Variants in NCOR1 observed in about 807,000 individuals in gnomAD.
The protein encoded by NCOR1 is protein phosphatase 1, regulatory subunit 109.
Under a neutral mutation model 288.1 loss-of-function variants are expected in NCOR1, and 63 were observed. The observed-to-expected ratio is 0.22, with a 90% CI of 0.18 to 0.27. The LOEUF (loss-of-function observed/expected upper bound fraction) is 0.27. NCOR1 is among the 10% of genes least tolerant of loss of function. The pLI, the probability that NCOR1 is intolerant of heterozygous loss-of-function variation, is 1.00. For missense variants in NCOR1, 2,397 were observed against 3,019.2 expected (o/e 0.79, Z 4.83); for synonymous variants, 1,007 against 1,065.9 (o/e 0.94, Z 1.08).
chr17:16,099,636 A>T (rs145985759), intron 20 of NCOR1, among the ~76,000 whole-genome samples: 1,684 of 152,344 alleles, frequency 0.011, 37 homozygotes, highest in African/African-American at 0.038. Flanking sequence ...CAAAACCAAC[A>T]GTGCAAAACA....
At chr17:16,067,856 T>G in intron 32 of NCOR1, 38 bp downstream of exon 32, 5 of 1,555,050 alleles carry the variant, frequency 3.2e-6, no homozygotes, top group Non-Finnish European at 4.4e-6. Flanking sequence ...TGGTGGCATA[T>G]TTATTTGCCA....
At position 16,032,264 on chromosome 17, in the gene NCOR1, T is replaced by C. The variant is rs370706061; in HGVS notation, c.*32A>G. ...AAACCACAAAAACTAGAGATCCCTC[T>C]CCTGCACCCTGTTCCCCTCACTTTG... is the stretch of plus-strand genomic sequence containing the variant. On this transcript the variant is annotated 3_prime_UTR_variant, in exon 46 of 46. Coordinates refer to ENST00000268712, the MANE Select transcript of NCOR1 (RefSeq NM_006311.4). 29 of 1,563,712 alleles carry C rather than the reference T, an allele frequency of 1.9e-5. No individual in the cohort carries two copies. The African/African-American group carries it at 3.9e-4, about 21-fold the overall frequency.
At chr17:16,046,809 G>T in intron 42 of NCOR1, 142 bp downstream of exon 42, 3 of 966,038 alleles carry the variant, frequency 3.1e-6, no homozygotes, top group Non-Finnish European at 4.5e-6. Context: ...GCAGACACTT[G>T]AGAAGGAACT....
chr17:16,072,022 A>G (rs1490442281), intron 29 of NCOR1, 123 bp downstream of exon 29: 3 of 760,056 alleles, frequency 3.9e-6, no homozygotes, highest in Non-Finnish European at 6.2e-6. Context: ...AGTAATAACC[A>G]AGACTTTAAT....
Position 16,061,456 on chromosome 17 carries a change from G to A in NCOR1, c.5826C>T (p.Ala1942=). ...FIDVIITRQI[A]SDKDARERGS... ...CACGTTCCCTCGCATCCTTGTCCGA[G>A]GCAATTTGCCGGGTGATGATCACGT... Residue 1942 remains alanine (A), a synonymous_variant, in exon 37 of 46, where the codon GCC becomes GCT. Coordinates refer to ENST00000268712, the MANE Select transcript of NCOR1 (RefSeq NM_006311.4). 3 of 1,614,200 alleles carry A rather than the reference G, an allele frequency of 1.9e-6. 1 individual carries two copies. The highest frequency in any genetic ancestry group is 2.2e-5 in the South Asian group (2 of 91,074).
chr17:16,044,597 G>A (rs777126301), intron 42 of NCOR1: 4 of 567,270 alleles, frequency 7.1e-6, no homozygotes, highest in South Asian at 1.5e-5. Context: ...GTCCGGCAGC[G>A]CCAGCCCCAC....
intron 4 of NCOR1, among the ~76,000 whole-genome samples, chr17:16,165,801 G>A (rs140737263): frequency 3.9e-5 from 6 of 152,090 alleles, no homozygotes; most frequent in Admixed American, 6.6e-5. Context: ...AATGAAAGCC[G>A]CTTCACCCAA....
At chr17:16,203,608 T>A (rs988211908) in intron 1 of NCOR1, among the ~76,000 whole-genome samples, 3 of 152,192 alleles carry the variant, frequency 2.0e-5, no homozygotes, top group African/African-American at 4.8e-5. Context: ...CTGAAATGGA[T>A]TACGTACTTC....
chr17:16,106,876 TATATA>T (rs1467035143), intron 19 of NCOR1, among the ~76,000 whole-genome samples: 21 of 59,832 alleles, frequency 3.5e-4, no homozygotes, highest in African/African-American at 1.5e-3. Context: ...TATATATATA[TATATA>T]TATTTTTTTT....
intron 3 of NCOR1, among the ~76,000 whole-genome samples, chr17:16,182,392 A>G (rs1239684527): frequency 6.6e-6 from 1 of 152,222 alleles, no homozygotes; most frequent in African/African-American, 2.4e-5. Context: ...ATCCAGAGTA[A>G]AACTTTTAAA....
rs148297225 is a variant in NCOR1 at position 16,199,216 on chromosome 17, A to AACACACAC, written c.-70-4585_-70-4578dup. 3.3e-3 allele frequency among the ~76,000 whole-genome samples: 400 copies of AACACACAC among 122,306 alleles called. 1 individual carries two copies. Among genetic ancestry groups the AACACACAC allele is most frequent in the Non-Finnish European group, 4.7e-3 (288 of 60,850 alleles). The allele number at this position is 122,306 out of a possible 152,430, so 80.2% of individuals were successfully genotyped here. A position where few individuals can be genotyped will look rare whatever the true frequency, so the allele number is the denominator to read the frequency against. ...CCCAATACAGAAGGAAAAAAAAAAAAACACACACACACACACACACACACA... is the reference window on the plus strand; with the variant it reads ...CCCAATACAGAAGGAAAAAAAAAAAAACACACACACACACACACACACACACACACACA... On this transcript the variant is annotated intron_variant, in intron 1 of 45. Coordinates refer to ENST00000268712, the MANE Select transcript of NCOR1 (RefSeq NM_006311.4).
chr17:16,214,781 G>C (rs968769868), intron 1 of NCOR1, among the ~76,000 whole-genome samples: 14 of 152,164 alleles, frequency 9.2e-5, no homozygotes, highest in African/African-American at 3.4e-4. Flanking sequence ...TACGGACTTC[G>C]CTTAAGAAAA....
chr17:16,176,550 T>C (rs183987765), intron 3 of NCOR1, among the ~76,000 whole-genome samples: 91 of 152,308 alleles, frequency 6.0e-4, no homozygotes, highest in South Asian at 5.2e-3. Flanking sequence ...ACTGCAGGTG[T>C]GAGCCACCAC....
At chr17:16,110,972 T>A (rs2070002625) in intron 18 of NCOR1, among the ~76,000 whole-genome samples, 1 of 152,202 alleles carries the variant, frequency 6.6e-6, no homozygotes. Flanking sequence ...ACTTTTAATT[T>A]ATTTGTTTGT....
intron 1 of NCOR1, among the ~76,000 whole-genome samples, chr17:16,195,470 CA>C (rs753774141): frequency 2.7e-4 from 31 of 115,150 alleles, no homozygotes; most frequent in African/African-American, 2.1e-4. Context: ...GACTCCGTCT[CA>C]AAAAAAAAAA....
intron 11 of NCOR1, among the ~76,000 whole-genome samples, chr17:16,140,271 G>A (rs1423812811): frequency 6.6e-6 from 1 of 152,116 alleles, no homozygotes; most frequent in Non-Finnish European, 1.5e-5. Flanking sequence ...ATATTCCAAG[G>A]GCTGAATGTC....
At chr17:16,092,660 T>TA (rs2065414198) in intron 21 of NCOR1, among the ~76,000 whole-genome samples, 1 of 9,472 alleles carries the variant, frequency 1.1e-4, no homozygotes, top group African/African-American at 5.1e-4. Context: ...TATATATATA[T>TA]ATATATATAT....
At chr17:16,098,595 G>T in intron 20 of NCOR1, 99 bp from the exon 21 acceptor site, 1 of 1,034,906 alleles carries the variant, frequency 9.7e-7, no homozygotes, top group Non-Finnish European at 1.4e-6. Context: ...ACATACACAT[G>T]CACACATGGA....
chr17:16,034,349 T>C (rs1011426517), intron 45 of NCOR1, among the ~76,000 whole-genome samples: 1 of 152,096 alleles, frequency 6.6e-6, no homozygotes, highest in African/African-American at 2.4e-5. Flanking sequence ...TACTAACACT[T>C]TGTGAGGCCA....
Sources: gnomAD v4.1 joint callset for allele counts (sites outside exome capture counted in the v4.1 genomes callset) on GRCh38, gnomAD v4.1.1 for gene constraint, MANE v1.5 for transcripts, NCBI Gene and HGNC (gene_info 2026-07-23, HGNC 2026-07-21) for gene names.